Variants in PID1 observed in about 807,000 individuals in gnomAD.
PID1 encodes PTB-containing, cubilin and LRP1-interacting protein.
Under a neutral mutation model 19.1 loss-of-function variants are expected in PID1, and 10 were observed. The observed-to-expected ratio is 0.52, with a 90% CI of 0.32 to 0.89. The LOEUF is 0.89. PID1 is among the 40% of genes least tolerant of loss of function. The pLI is 0.03. For missense variants in PID1, 248 were observed against 285.3 expected, an observed-to-expected ratio of 0.87 and a Z score of 0.94; for synonymous variants, 130 against 116.0, an observed-to-expected ratio of 1.12 and a Z score of -0.78.
intron 2 of PID1, among the ~76,000 whole-genome samples, chr2:229,066,085 C>G (rs1371500541): frequency 6.6e-6 from 1 of 151,864 alleles, no homozygotes; most frequent in South Asian, 2.1e-4. Flanking sequence ...TTAAGCCACA[C>G]ACAAAAAAAG....
chr2:229,027,781 A>G (rs1172238219), intron 2 of PID1, among the ~76,000 whole-genome samples: 1 of 152,230 alleles, frequency 6.6e-6, no homozygotes, highest in Admixed American at 6.5e-5. Flanking sequence ...GTAAAGCGGT[A>G]GCCTAAGACA....
chr2:229,157,768 G>C (rs1690406373), intron 1 of PID1, among the ~76,000 whole-genome samples: 1 of 152,194 alleles, frequency 6.6e-6, no homozygotes, highest in Non-Finnish European at 1.5e-5. Flanking sequence ...CTAAGAAACA[G>C]GAATGATCAT....
chr2:229,026,132 A>G (rs1693417478), intron 2 of PID1, 24 bp from the exon 3 acceptor site: 2 of 1,529,802 alleles, frequency 1.3e-6, no homozygotes, highest in Admixed American at 1.7e-5. Context: ...AGAGGAAGAA[A>G]AGGGAGGCAT....
intron 2 of PID1, among the ~76,000 whole-genome samples, chr2:229,101,141 T>C (rs997800055): frequency 2.0e-5 from 3 of 152,078 alleles, no homozygotes; most frequent in African/African-American, 7.2e-5. Flanking sequence ...AAGATTCCCA[T>C]GAGGGGAGAA....
chr2:229,128,083 C>T (rs774694752), intron 2 of PID1, among the ~76,000 whole-genome samples: 4 of 151,956 alleles, frequency 2.6e-5, no homozygotes, highest in East Asian at 2.0e-4. Flanking sequence ...ATTTTCCTTA[C>T]GAGATTTTAG....
At chr2:229,142,731 C>G (rs1690041317) in intron 2 of PID1, among the ~76,000 whole-genome samples, 1 of 152,162 alleles carries the variant, frequency 6.6e-6, no homozygotes, top group African/African-American at 2.4e-5. Context: ...CATGGGAACA[C>G]TTTTACACTG....
intron 1 of PID1, among the ~76,000 whole-genome samples, chr2:229,206,028 A>G (rs1691602290): frequency 6.6e-6 from 1 of 152,114 alleles, no homozygotes; most frequent in Admixed American, 6.6e-5. Context: ...CTTACACACC[A>G]ATTACTGTCT....
chr2:229,122,470 G>A (rs907824786), intron 2 of PID1, among the ~76,000 whole-genome samples: 19 of 152,032 alleles, frequency 1.2e-4, no homozygotes, highest in African/African-American at 4.6e-4. Context: ...GTAAAACCCT[G>A]GGGTTTTACA....
intron 1 of PID1, among the ~76,000 whole-genome samples, chr2:229,202,893 A>G (rs1691529152): frequency 6.6e-6 from 1 of 152,122 alleles, no homozygotes; most frequent in Non-Finnish European, 1.5e-5. Context: ...TCCTAAGAAC[A>G]GTGATTCATA....
chr2:229,091,774 C>T (rs775324525), intron 2 of PID1, among the ~76,000 whole-genome samples: 4 of 152,204 alleles, frequency 2.6e-5, no homozygotes, highest in Admixed American at 6.5e-5. Context: ...TTATCAGTCA[C>T]ATTAACTAGA....
intron 2 of PID1, among the ~76,000 whole-genome samples, chr2:229,092,412 T>C (rs1313844999): frequency 6.6e-6 from 1 of 152,144 alleles, no homozygotes; most frequent in Admixed American, 6.5e-5. Flanking sequence ...TGTGTTTTCA[T>C]ACTGCAAAAA....
rs111352416 is a variant in PID1, at chr2:229,200,235, C to T, written c.31-44271G>A. On this transcript the variant is annotated intron_variant, in intron 1 of 2. Transcript: ENST00000392055. ...GTAATTGTGGTTTTTGCCATTAATA[C>T]TAGAATTCCTTCTCAGGTTCTCAGG... Among the ~76,000 whole-genome samples the T allele has an allele frequency of 4.4e-3, 666 of 152,130 alleles. 8 individuals carry two copies. The highest frequency in any genetic ancestry group is 0.016 in the African/African-American group (647 of 41,514).
chr2:229,193,849 G>C (rs565922854), intron 1 of PID1, among the ~76,000 whole-genome samples: 95 of 150,592 alleles, frequency 6.3e-4, no homozygotes, highest in Non-Finnish European at 1.2e-3. Flanking sequence ...TTGATGTCAA[G>C]TAAAATTTGC....
chr2:229,050,689 T>C (rs547407384), intron 2 of PID1, among the ~76,000 whole-genome samples: 1 of 152,262 alleles, frequency 6.6e-6, no homozygotes, highest in South Asian at 2.1e-4. Flanking sequence ...ATACTTGTCC[T>C]GCCATTAGCC....
intron 1 of PID1, among the ~76,000 whole-genome samples, chr2:229,268,003 G>A (rs1690636925): frequency 6.6e-6 from 1 of 152,100 alleles, no homozygotes; most frequent in Admixed American, 6.5e-5. Flanking sequence ...TAAAAAGTTG[G>A]GGTGGTAAAT....
chr2:229,174,707 A>G (rs1690781263), intron 1 of PID1, among the ~76,000 whole-genome samples: 1 of 123,250 alleles, frequency 8.1e-6, no homozygotes, highest in Admixed American at 9.2e-5. Context: ...GCTTCCTCCC[A>G]CTGAAAATGC....
At chr2:229,139,000 AAAGAAAGAAAGAAAGAAAG>A (rs1559251090) in intron 2 of PID1, among the ~76,000 whole-genome samples, 1 of 88,998 alleles carries the variant, frequency 1.1e-5, no homozygotes, top group African/African-American at 4.3e-5. Flanking sequence ...AGAAAGAAAG[AAAGAAAGAAAGAAAGAAAG>A]AAAGAAAGAA....
At chr2:229,156,466 T>G (rs976706182) in intron 1 of PID1, among the ~76,000 whole-genome samples, 2 of 152,202 alleles carry the variant, frequency 1.3e-5, no homozygotes, top group Non-Finnish European at 2.9e-5. Flanking sequence ...GGACAGACCA[T>G]TTTTATCTGC....
In PID1 at chr2:229,025,280, G is replaced by C. The variant is rs376417715; in HGVS notation, c.*352C>G. On this transcript the variant is annotated 3_prime_UTR_variant, in exon 3 of 3. Transcript: ENST00000392055. Reference sequence around the variant, plus strand: ...TTGTGGAATTTCATAAGGCAGATCGGAATGGCCCATCCAATAACAGCTGCA... The same window carrying C: ...TTGTGGAATTTCATAAGGCAGATCGCAATGGCCCATCCAATAACAGCTGCA... The C allele has an allele frequency of 7.5e-5, 18 of 239,486 alleles. No homozygotes were observed. The East Asian group carries it at 1.3e-3, about 17-fold the overall frequency. The allele number at this position is 239,486 out of a possible 1,614,324, so 14.8% of individuals were successfully genotyped here.
Sources: gnomAD v4.1 joint callset for allele counts (sites outside exome capture counted in the v4.1 genomes callset) on GRCh38, gnomAD v4.1.1 for gene constraint, MANE v1.5 for transcripts, NCBI Gene and HGNC (gene_info 2026-07-23, HGNC 2026-07-21) for gene names.